The following ERBB4 variants were observed in gnomAD, a reference collection of about 807,000 sequenced individuals.
ERBB4 encodes the protein erb-b2 receptor tyrosine kinase 4.
Under a neutral mutation model 158.0 loss-of-function variants are expected in ERBB4, and 42 were observed. The observed-to-expected ratio is 0.27, with a 90% CI of 0.21 to 0.34. The LOEUF (loss-of-function observed/expected upper bound fraction) is 0.34. Among genes scored for constraint, ERBB4 ranks in the 10% least tolerant of loss-of-function variants. ERBB4 has a pLI of 1.00. For missense variants in ERBB4, 1,333 were observed against 1,624.1 expected (o/e 0.82, Z 3.08); for synonymous variants, 583 against 558.7 (o/e 1.04, Z -0.61).
intron 1 of ERBB4, among the ~76,000 whole-genome samples, chr2:212,315,562 C>A (rs1243388178): frequency 6.6e-6 from 1 of 151,472 alleles, no homozygotes; most frequent in Non-Finnish European, 1.5e-5. Context: ...TGTACAAGAA[C>A]TCTAAAGAAT....
chr2:212,245,165 T>C (rs1034407364), intron 1 of ERBB4, among the ~76,000 whole-genome samples: 6 of 152,134 alleles, frequency 3.9e-5, no homozygotes, highest in Admixed American at 2.0e-4. Flanking sequence ...CACACACTTA[T>C]CATAGAAAAT....
intron 1 of ERBB4, among the ~76,000 whole-genome samples, chr2:212,389,061 C>T (rs2090769589): frequency 6.6e-6 from 1 of 152,042 alleles, no homozygotes; most frequent in Non-Finnish European, 1.5e-5. Context: ...ACAGGTTAGG[C>T]AGTTTGGTCA....
At position 211,388,572 on chromosome 2, in the gene ERBB4, G is replaced by GT. The variant is rs1239077368; in HGVS notation, c.3136-581dup. On this transcript the variant is annotated intron_variant, in intron 25 of 27. Transcript: ENST00000342788. ...TTATCTTCAGTCTCACATTTTTTTT[G>GT]TTTTTTTTTTTTAAGTTAAGAAAGA... is the stretch of plus-strand genomic sequence containing the variant. 7.0e-3 allele frequency among the ~76,000 whole-genome samples: 963 copies of GT among 137,384 alleles called. 7 individuals carry two copies. Among genetic ancestry groups the GT allele is most frequent in the Non-Finnish European group, 0.011 (685 of 62,638 alleles). The allele number at this position is 137,384 out of a possible 152,430, so 90.1% of individuals were successfully genotyped here.
chr2:211,615,802 A>T (rs1372887857), intron 19 of ERBB4, among the ~76,000 whole-genome samples: 1 of 152,138 alleles, frequency 6.6e-6, no homozygotes, highest in Admixed American at 6.6e-5. Context: ...CCAGTAAAGC[A>T]CAGCTATGTG....
chr2:211,816,309 G>A (rs2105929006), intron 3 of ERBB4, among the ~76,000 whole-genome samples: 1 of 152,074 alleles, frequency 6.6e-6, no homozygotes, highest in African/African-American at 2.4e-5. Context: ...GGGAGGCTGA[G>A]GTGGGCAGAT....
chr2:212,113,351 T>G (rs1459431842), intron 2 of ERBB4, among the ~76,000 whole-genome samples: 6 of 151,648 alleles, frequency 4.0e-5, no homozygotes, highest in Non-Finnish European at 7.4e-5. Context: ...TGAGGAGGGT[T>G]GATCATGAGG....
At chr2:211,702,335 A>G (rs1173730722) in intron 11 of ERBB4, among the ~76,000 whole-genome samples, 169 bp from the exon 12 acceptor site, 1 of 152,188 alleles carries the variant, frequency 6.6e-6, no homozygotes, top group Non-Finnish European at 1.5e-5. Flanking sequence ...TTTTAAAGTA[A>G]TAATTTGACC....
rs535462377 is a variant in ERBB4 at position 211,413,951 on chromosome 2, C to T, written c.3135+6490G>A. Among the ~76,000 whole-genome samples, 5 of 151,786 alleles carry T rather than the reference C, an allele frequency of 3.3e-5. No homozygotes were observed. In the East Asian group the frequency reaches 9.7e-4, roughly 29 times the overall value. The stretch of plus-strand genomic sequence containing the variant: ...GGCCAGGCTCCTCCCCTGGATAAGG[C>T]GCAAATTCCTGGTGGTTCCACCCCA... On this transcript the variant is annotated intron_variant, in intron 25 of 27. Transcript: ENST00000342788.
intron 20 of ERBB4, among the ~76,000 whole-genome samples, chr2:211,437,249 T>C (rs2063874623): frequency 6.6e-6 from 1 of 152,182 alleles, no homozygotes; most frequent in Non-Finnish European, 1.5e-5. Context: ...TGCTCATAGC[T>C]CTTAAAATGT....
intron 20 of ERBB4, among the ~76,000 whole-genome samples, chr2:211,453,441 C>T (rs2064299666): frequency 6.6e-6 from 1 of 151,900 alleles, no homozygotes; most frequent in Non-Finnish European, 1.5e-5. Context: ...TTTGATGTTC[C>T]TCTTTTTATA....
At chr2:212,153,825 G>A (rs543304128) in intron 1 of ERBB4, among the ~76,000 whole-genome samples, 1 of 152,098 alleles carries the variant, frequency 6.6e-6, no homozygotes, top group African/African-American at 2.4e-5. Flanking sequence ...ATGTGCGAAT[G>A]TTATATATGA....
At chr2:212,113,132 G>A (rs2079465185) in intron 2 of ERBB4, among the ~76,000 whole-genome samples, 1 of 152,212 alleles carries the variant, frequency 6.6e-6, no homozygotes, top group African/African-American at 2.4e-5. Context: ...GAATTTGGGG[G>A]AGCATGTTAA....
intron 4 of ERBB4, among the ~76,000 whole-genome samples, chr2:211,782,463 ACT>A (rs1424521950): frequency 1.3e-5 from 2 of 150,924 alleles, no homozygotes; most frequent in Admixed American, 6.6e-5. Context: ...AGCTCTTGAC[ACT>A]CTCTGTCTTT....
intron 2 of ERBB4, among the ~76,000 whole-genome samples, chr2:211,968,327 G>A (rs1042761177): frequency 6.6e-6 from 1 of 151,948 alleles, no homozygotes; most frequent in African/African-American, 2.4e-5. Context: ...GGATAGTGAA[G>A]CAAATGAAGC....
intron 2 of ERBB4, among the ~76,000 whole-genome samples, chr2:212,086,742 A>T (rs1037967100): frequency 1.3e-5 from 2 of 152,090 alleles, no homozygotes; most frequent in African/African-American, 2.4e-5. Context: ...AGGCTAAAAA[A>T]GTTAAAGCAA....
At chr2:211,510,517 G>A (rs1167701608) in intron 20 of ERBB4, among the ~76,000 whole-genome samples, 1 of 151,978 alleles carries the variant, frequency 6.6e-6, no homozygotes, top group Non-Finnish European at 1.5e-5. Context: ...TGACTCTTTA[G>A]ATGATTCCTA....
intron 5 of ERBB4, 111 bp downstream of exon 5, chr2:211,750,528 A>G: frequency 1.1e-6 from 1 of 910,656 alleles, no homozygotes; most frequent in East Asian, 2.4e-5. Context: ...ATCAACCACA[A>G]GGAGGTGATA....
chr2:211,545,189 A>G (rs2066910284), intron 20 of ERBB4, among the ~76,000 whole-genome samples: 1 of 152,098 alleles, frequency 6.6e-6, no homozygotes, highest in Non-Finnish European at 1.5e-5. Context: ...GCAAAATTTA[A>G]ATGGCTAGAC....
intron 3 of ERBB4, among the ~76,000 whole-genome samples, chr2:211,861,343 T>G (rs1210796438): frequency 5.6e-4 from 16 of 28,558 alleles, no homozygotes; most frequent in Middle Eastern, 0.012. Context: ...TTTTTTGTTT[T>G]TTTTTTGTTT....
Sources: allele counts gnomAD v4.1 joint callset (sites outside exome capture counted in the v4.1 genomes callset), GRCh38; gene constraint gnomAD v4.1.1; transcripts MANE v1.5; gene names NCBI Gene and HGNC (gene_info 2026-07-23, HGNC 2026-07-21).